Variants in TBC1D1 observed in about 807,000 individuals in gnomAD.
TBC1D1 encodes the protein TBC1 domain family member 1.
A neutral mutation model predicts 125.6 loss-of-function variants in TBC1D1; 89 were observed. The observed-to-expected ratio is 0.71, with a 90% confidence interval of 0.60 to 0.85. TBC1D1 has a LOEUF of 0.85. Among genes scored for constraint, TBC1D1 ranks in the 40% least tolerant of loss-of-function variants. The pLI is 0.00. For missense variants in TBC1D1, 1,377 were observed against 1,469.2 expected (o/e 0.94, Z 1.03); for synonymous variants, 565 against 564.1 (o/e 1.00, Z -0.02).
intron 2 of TBC1D1, among the ~76,000 whole-genome samples, chr4:37,946,876 A>T (rs1305713971): frequency 6.6e-6 from 1 of 152,180 alleles, no homozygotes; most frequent in Non-Finnish European, 1.5e-5. Flanking sequence ...GAGAAAGGAA[A>T]ATGCATGTCC....
At chr4:37,918,778 A>G (rs1720277182) in intron 2 of TBC1D1, among the ~76,000 whole-genome samples, 1 of 152,142 alleles carries the variant, frequency 6.6e-6, no homozygotes, top group African/African-American at 2.4e-5. Context: ...TAGCCGTACA[A>G]TTTTTAATTA....
chr4:38,102,897 G>A (rs150088486), intron 14 of TBC1D1, 102 bp from the exon 17 acceptor site: 24,083 of 1,292,516 alleles, frequency 0.019, 347 homozygotes, highest in East Asian at 0.029. Context: ...AAAAAAAAAG[G>A]AACAAGAATT....
chr4:38,085,905 C>T (rs1452275497), intron 12 of TBC1D1, among the ~76,000 whole-genome samples: 1 of 152,180 alleles, frequency 6.6e-6, no homozygotes, highest in African/African-American at 2.4e-5. Context: ...ACCTGCCACT[C>T]CACTCGAGTC....
At chr4:38,121,553 T>C (rs1212429322) in intron 17 of TBC1D1, among the ~76,000 whole-genome samples, 1 of 152,134 alleles carries the variant, frequency 6.6e-6, no homozygotes, top group Non-Finnish European at 1.5e-5. Flanking sequence ...AGGAGAAAAG[T>C]CCCACTGAAA....
intron 2 of TBC1D1, among the ~76,000 whole-genome samples, chr4:37,999,303 A>G (rs1738511840): frequency 6.6e-6 from 1 of 152,194 alleles, no homozygotes; most frequent in African/African-American, 2.4e-5. Flanking sequence ...TGTTTCTTTC[A>G]TGTTTAACCT....
chr4:38,012,271 G>A (rs1053085866), intron 2 of TBC1D1, among the ~76,000 whole-genome samples: 2 of 152,058 alleles, frequency 1.3e-5, no homozygotes, highest in African/African-American at 4.8e-5. Flanking sequence ...GAGTAACTAT[G>A]GCTTTTTGTT....
At chr4:37,903,455 A>G (rs1193748135) in intron 2 of TBC1D1, among the ~76,000 whole-genome samples, 3 of 152,248 alleles carry the variant, frequency 2.0e-5, no homozygotes, top group African/African-American at 7.2e-5. Flanking sequence ...CAAGCAAGCC[A>G]AGTCACATGT....
chr4:38,054,219 A>G lies in TBC1D1; in HGVS notation c.1931A>G (p.Asn644Ser). Residue 644 changes from asparagine to serine, a missense_variant, in exon 12 of 20, where the codon AAC (asparagine) becomes AGC (serine). Asn to Ser is a conservative substitution (Grantham distance 46, BLOSUM62 1). Coordinates refer to ENST00000261439, the MANE Select transcript of TBC1D1 (RefSeq NM_015173.4). ...TTTAGGGACTTTGAATCCAAAGCAAACCATCTTGGTGATTCTGGTGGGACT... is the reference window on the plus strand; with the variant it reads ...TTTAGGGACTTTGAATCCAAAGCAAGCCATCTTGGTGATTCTGGTGGGACT... 6.2e-7 allele frequency: 1 copy of G among 1,614,174 alleles called. No individual in the cohort carries two copies. The highest frequency in any genetic ancestry group is 8.5e-7 in the Non-Finnish European group (1 of 1,179,994).
intron 2 of TBC1D1, among the ~76,000 whole-genome samples, chr4:37,940,919 G>A (rs986416617): frequency 2.1e-4 from 32 of 152,078 alleles, no homozygotes; most frequent in African/African-American, 7.2e-4. Flanking sequence ...GGCTGGGTTC[G>A]GTTTGCCAGT....
At chr4:38,083,385 A>G (rs1415428684) in intron 12 of TBC1D1, among the ~76,000 whole-genome samples, 1 of 152,196 alleles carries the variant, frequency 6.6e-6, no homozygotes, top group East Asian at 1.9e-4. Flanking sequence ...TGATGAGTTA[A>G]TAATTACCTG....
At chr4:38,065,777 C>G (rs1020534200) in intron 12 of TBC1D1, among the ~76,000 whole-genome samples, 2 of 151,786 alleles carry the variant, frequency 1.3e-5, no homozygotes, top group Admixed American at 1.3e-4. Flanking sequence ...TCCTTAGTAG[C>G]TGGGATTACA....
chr4:37,980,287 C>A (rs1734092568), intron 2 of TBC1D1, among the ~76,000 whole-genome samples: 1 of 152,170 alleles, frequency 6.6e-6, no homozygotes, highest in African/African-American at 2.4e-5. Flanking sequence ...GTGTACATTG[C>A]ATCAAGAATG....
rs143090381 is a variant in TBC1D1, at chr4:37,955,937, G to A, written c.417+53425G>A. 8.3e-3 allele frequency among the ~76,000 whole-genome samples: 1,266 copies of A among 151,916 alleles called. 18 individuals carry two copies. The highest frequency in any genetic ancestry group is 0.029 in the African/African-American group (1,197 of 41,428). Reference sequence around the variant, plus strand: ...GGATTGCTTGAGTCTAGGAGTTTGAGACCAGCCTGGGCAACATAGTGAGAC... The same window carrying A: ...GGATTGCTTGAGTCTAGGAGTTTGAAACCAGCCTGGGCAACATAGTGAGAC... On this transcript the variant is annotated intron_variant, in intron 2 of 19. Coordinates refer to ENST00000261439, the MANE Select transcript of TBC1D1 (RefSeq NM_015173.4).
chr4:38,121,656 C>A (rs1763874128), intron 17 of TBC1D1, among the ~76,000 whole-genome samples: 1 of 152,150 alleles, frequency 6.6e-6, no homozygotes, highest in Non-Finnish European at 1.5e-5. Flanking sequence ...TTTTCAAATG[C>A]AGGACATTTG....
Position 38,044,498 on chromosome 4 carries a change from G to A in TBC1D1, c.1542+8G>A. On this transcript the variant is annotated splice_region_variant and intron_variant, in intron 9 of 19. Coordinates refer to ENST00000261439, the MANE Select transcript of TBC1D1 (RefSeq NM_015173.4). ...GAAAGTATTTTGTCCCGGGTAAGTA[G>A]CATAATTTCTCCTGATTTAAGTTAA... 1.2e-6 allele frequency: 2 copies of A among 1,601,436 alleles called. No individual in the cohort carries two copies. The highest frequency in any genetic ancestry group is 2.3e-5 in the South Asian group (2 of 88,112).
intron 2 of TBC1D1, among the ~76,000 whole-genome samples, chr4:37,979,475 A>G (rs1371694227): frequency 6.6e-6 from 1 of 152,248 alleles, no homozygotes; most frequent in African/African-American, 2.4e-5. Context: ...TGAAGAGGCA[A>G]GTCATTAACA....
In TBC1D1 at chr4:38,128,118, TAC is replaced by T. The variant is rs1442212890; in HGVS notation, c.3132+2989_3132+2990del. 3.9e-5 allele frequency among the ~76,000 whole-genome samples: 6 copies of T among 152,242 alleles called. No homozygotes were observed. The East Asian group carries it at 1.2e-3, about 29-fold the overall frequency. On this transcript the variant is annotated intron_variant, in intron 18 of 19. Coordinates refer to ENST00000261439, the MANE Select transcript of TBC1D1 (RefSeq NM_015173.4). ...TAAAGGATCACAGCATGTGAGAAGG[TAC>T]AGGAATGAGAGCAGAGAGCAATTCT...
intron 2 of TBC1D1, among the ~76,000 whole-genome samples, chr4:37,983,408 C>T (rs1011563697): frequency 2.6e-5 from 4 of 152,110 alleles, no homozygotes; most frequent in Middle Eastern, 3.2e-3. Context: ...CCACTGTGTC[C>T]GCCATCCCTC....
At chr4:37,899,478 A>T (rs1314308969) in intron 1 of TBC1D1, among the ~76,000 whole-genome samples, 1 of 152,102 alleles carries the variant, frequency 6.6e-6, no homozygotes, top group Non-Finnish European at 1.5e-5. Flanking sequence ...AGTCAAGGGG[A>T]TGGGATTTAG....
Sources: gnomAD v4.1 joint callset for allele counts (sites outside exome capture counted in the v4.1 genomes callset) on GRCh38, gnomAD v4.1.1 for gene constraint, MANE v1.5 for transcripts, NCBI Gene and HGNC (gene_info 2026-07-23, HGNC 2026-07-21) for gene names.